Variants in TCF20 observed in about 807,000 individuals in gnomAD.
TCF20 encodes the protein SPRE-binding protein.
Under a neutral mutation model 148.6 loss-of-function variants are expected in TCF20, and 3 were observed. That is an observed-to-expected ratio of 0.02 (90% CI 0.01 to 0.05). The LOEUF is 0.05. Among genes scored for constraint, TCF20 ranks in the 10% least tolerant of loss-of-function variants. The probability of loss-of-function intolerance (pLI) is 1.00; values close to 1 mark genes in which losing one functional copy is unlikely to be tolerated. For missense variants in TCF20, 2,350 were observed against 2,429.3 expected, an observed-to-expected ratio of 0.97 and a Z score of 0.69; for synonymous variants, 1,049 against 909.5, an observed-to-expected ratio of 1.15 and a Z score of -2.76.
chr22:42,247,382 G>A (rs1196571036), intron 1 of TCF20, among the ~76,000 whole-genome samples: 3 of 149,988 alleles, frequency 2.0e-5, no homozygotes, highest in Non-Finnish European at 4.4e-5. Flanking sequence ...GGAGCTTGCA[G>A]TGAGCCGAGA....
upstream of TCF20, among the ~76,000 whole-genome samples, chr22:42,288,411 C>T (rs976967760): frequency 6.6e-6 from 1 of 151,936 alleles, no homozygotes; most frequent in South Asian, 2.1e-4. Flanking sequence ...TGGCACATGC[C>T]TGTAGTCCCA....
At chr22:42,330,858 G>A (rs1053449506) in intron 1 of TCF20, among the ~76,000 whole-genome samples, 13 of 152,214 alleles carry the variant, frequency 8.5e-5, no homozygotes, top group Non-Finnish European at 1.3e-4. Flanking sequence ...TGAGGCCTAG[G>A]ATCAGGGGCT....
chr22:42,318,848 C>A (rs1376847357), intron 1 of TCF20, among the ~76,000 whole-genome samples: 7 of 152,160 alleles, frequency 4.6e-5, no homozygotes, highest in African/African-American at 1.7e-4. Context: ...CACCTCCATG[C>A]CTGGGTGTGT....
intron 1 of TCF20, among the ~76,000 whole-genome samples, chr22:42,218,299 T>G (rs1183551594): frequency 3.3e-5 from 5 of 152,214 alleles, no homozygotes; most frequent in African/African-American, 7.2e-5. Context: ...CCTGTCAGTT[T>G]GGCCTTGAAA....
At chr22:42,327,560 C>A (rs1927896878) in intron 1 of TCF20, among the ~76,000 whole-genome samples, 1 of 152,120 alleles carries the variant, frequency 6.6e-6, no homozygotes, top group African/African-American at 2.4e-5. Context: ...CGCACAGACA[C>A]TTCACACACA....
chr22:42,289,206 G>A (rs377505620), intron 1 of TCF20, among the ~76,000 whole-genome samples: 3 of 152,114 alleles, frequency 2.0e-5, no homozygotes, highest in Non-Finnish European at 2.9e-5. Flanking sequence ...ACAGGCACCC[G>A]CTTTTCTCAC....
rs151030711 is a variant in TCF20 at position 42,222,028 on chromosome 22, G to A, written c.-36-6687C>T. The stretch of plus-strand genomic sequence containing the variant: ...GCTGGGATTACAGGCATGAGCCACC[G>A]CGCCCGGCCCCATATGGCAAAGGTT... On this transcript the variant is annotated intron_variant, in intron 1 of 5. Coordinates refer to ENST00000677622, the MANE Select transcript of TCF20 (RefSeq NM_001378418.1). Among the ~76,000 whole-genome samples the A allele has an allele frequency of 5.7e-3, 870 of 152,156 alleles. 2 individuals are homozygous for A. The highest frequency in any genetic ancestry group is 0.01 in the Non-Finnish European group (697 of 67,998).
At chr22:42,256,832 G>C (rs933500237) in intron 1 of TCF20, among the ~76,000 whole-genome samples, 4 of 152,120 alleles carry the variant, frequency 2.6e-5, no homozygotes, top group Non-Finnish European at 5.9e-5. Context: ...CTACACTTCT[G>C]CCATGGAGTA....
chr22:42,264,607 G>A (rs1005009015), intron 1 of TCF20, among the ~76,000 whole-genome samples: 1 of 152,196 alleles, frequency 6.6e-6, no homozygotes, highest in African/African-American at 2.4e-5. Context: ...TTTTCATCCA[G>A]CCCACAGATC....
At chr22:42,281,693 G>GA (rs1432551169) in intron 1 of TCF20, among the ~76,000 whole-genome samples, 1 of 152,208 alleles carries the variant, frequency 6.6e-6, no homozygotes, top group Non-Finnish European at 1.5e-5. Context: ...TTTCTGTGGG[G>GA]AAAAAACCCC....
chr22:42,280,181 C>T (rs574776766), intron 1 of TCF20, among the ~76,000 whole-genome samples: 2 of 152,294 alleles, frequency 1.3e-5, no homozygotes, highest in African/African-American at 4.8e-5. Flanking sequence ...CCAAGAAAAC[C>T]AAAGCAACAA....
At chr22:42,285,217 C>T (rs918363956), upstream of TCF20, among the ~76,000 whole-genome samples, 3 of 152,182 alleles carry the variant, frequency 2.0e-5, no homozygotes, top group Non-Finnish European at 2.9e-5. The surrounding 1 kb of genome is among the most constrained non-coding windows in gnomAD (Gnocchi z 4.2). Flanking sequence ...CCAAACTTGG[C>T]ACACGCCTGC....
chr22:42,250,145 A>G (rs1162010441), intron 1 of TCF20, among the ~76,000 whole-genome samples: 1 of 152,198 alleles, frequency 6.6e-6, no homozygotes, highest in Non-Finnish European at 1.5e-5. Flanking sequence ...TCTCTTTAAA[A>G]AAAGTTGAAA....
chr22:42,275,057 AT>A (rs1348318226), upstream of TCF20: 1 of 152,272 alleles, frequency 6.6e-6, no homozygotes, highest in African/African-American at 2.4e-5. Context: ...CTGAGCTGGT[AT>A]TTGAACCCAG....
chr22:42,164,182 C>CT (rs1251579343), intron 5 of TCF20, among the ~76,000 whole-genome samples: 1 of 151,162 alleles, frequency 6.6e-6, no homozygotes, highest in East Asian at 1.9e-4. Context: ...TCCAAGAGCC[C>CT]TTTTTTCCCT....
At chr22:42,236,704 T>C (rs964184049) in intron 1 of TCF20, among the ~76,000 whole-genome samples, 1 of 152,182 alleles carries the variant, frequency 6.6e-6, no homozygotes, top group African/African-American at 2.4e-5. Flanking sequence ...ACAAACATTC[T>C]ATGAAAAATC....
At chr22:42,284,980 A>G (rs1348575486), upstream of TCF20, among the ~76,000 whole-genome samples, 2 of 152,100 alleles carry the variant, frequency 1.3e-5, no homozygotes, top group African/African-American at 4.8e-5. Context: ...TGAGCCGCCT[A>G]CTCCGTAGCT....
intron 1 of TCF20, among the ~76,000 whole-genome samples, chr22:42,239,035 G>A (rs893931324): frequency 4.0e-5 from 6 of 151,136 alleles, no homozygotes; most frequent in South Asian, 2.1e-4. Context: ...GGAGAATGGC[G>A]TGAACGCGGC....
intron 1 of TCF20, among the ~76,000 whole-genome samples, chr22:42,224,898 A>C (rs1922724420): frequency 2.0e-5 from 3 of 152,216 alleles, no homozygotes; most frequent in Admixed American, 2.0e-4. Context: ...AATAATGGAG[A>C]AAAAAGGAAA....
Sources: allele counts gnomAD v4.1 joint callset (sites outside exome capture counted in the v4.1 genomes callset), GRCh38; gene constraint gnomAD v4.1.1; non-coding constraint Gnocchi (gnomAD v3.1); transcripts MANE v1.5; gene names NCBI Gene and HGNC (gene_info 2026-07-23, HGNC 2026-07-21).